SLIT1: variants seen among roughly 807,000 people sequenced by gnomAD.
SLIT1 encodes the protein slit guidance ligand 1.
SLIT1 carries 66 observed loss-of-function variants against 186.1 expected under a neutral mutation model. That is an observed-to-expected ratio of 0.35 (90% confidence interval 0.29 to 0.44). SLIT1 has a LOEUF of 0.44. Among genes scored for constraint, SLIT1 ranks in the 20% least tolerant of loss-of-function variants. The pLI is 1.00. For missense variants in SLIT1, 1,638 were observed against 2,037.4 expected (o/e 0.80, Z 3.77); for synonymous variants, 761 against 833.8 (o/e 0.91, Z 1.50).
At chr10:97,071,444 A>T (rs937713408) in intron 4 of SLIT1, among the ~76,000 whole-genome samples, 7 of 152,212 alleles carry the variant, frequency 4.6e-5, no homozygotes, top group African/African-American at 1.7e-4. Flanking sequence ...TCATTATTCC[A>T]TTTAATCCTC....
At chr10:97,072,268 C>T (rs1239256098) in intron 4 of SLIT1, among the ~76,000 whole-genome samples, 1 of 152,214 alleles carries the variant, frequency 6.6e-6, no homozygotes, top group Non-Finnish European at 1.5e-5. Flanking sequence ...AGGTGATTTT[C>T]CTCTCTCAGC....
chr10:97,177,687 G>A (rs949911510), intron 1 of SLIT1, among the ~76,000 whole-genome samples: 6 of 152,122 alleles, frequency 3.9e-5, no homozygotes, highest in African/African-American at 1.4e-4. Context: ...AAAAAAGAAG[G>A]AAATCAGGCC....
chr10:97,057,929 A>G (rs781629168), intron 11 of SLIT1: 44 of 714,612 alleles, frequency 6.2e-5, no homozygotes, highest in South Asian at 5.7e-4. Context: ...CCAATATCAT[A>G]ATCGGACCCC....
intron 11 of SLIT1, among the ~76,000 whole-genome samples, chr10:97,057,540 C>T (rs181925560): frequency 7.5e-4 from 114 of 152,392 alleles, no homozygotes; most frequent in African/African-American, 2.6e-3. Flanking sequence ...GCAGCTCCTG[C>T]TTCACCGCCC....
chr10:97,045,821 C>T (rs190263692), intron 18 of SLIT1, among the ~76,000 whole-genome samples: 4 of 152,244 alleles, frequency 2.6e-5, no homozygotes, highest in Admixed American at 2.6e-4. Flanking sequence ...TCAGAGACAA[C>T]TCTACATCCT....
intron 4 of SLIT1, among the ~76,000 whole-genome samples, chr10:97,100,059 C>T (rs769515628): frequency 3.3e-5 from 5 of 152,226 alleles, no homozygotes; most frequent in Non-Finnish European, 5.9e-5. Context: ...CCAGGCATCT[C>T]CCCATTGACA....
intron 1 of SLIT1, among the ~76,000 whole-genome samples, chr10:97,174,169 G>A (rs1850227112): frequency 2.0e-5 from 3 of 152,184 alleles, no homozygotes; most frequent in Admixed American, 2.0e-4. Context: ...TGCCATCGGA[G>A]TTGTGGGTCA....
At chr10:97,052,812 A>G (rs550259044) in intron 13 of SLIT1, among the ~76,000 whole-genome samples, 1 of 152,364 alleles carries the variant, frequency 6.6e-6, no homozygotes, top group African/African-American at 2.4e-5. Flanking sequence ...CAAGAAACTG[A>G]ACCACTTGAG....
chr10:97,047,046 T>G lies in SLIT1; in HGVS notation c.1654A>C (p.Ile552Leu). The stretch of plus-strand genomic sequence containing the variant: ...ATCCCAGTGGCCTCCAGGATGGAAA[T>G]CTCATTGTTATTCAATCGCCTGTAA... ...TAELRLNNNE[I>L]SILEATGMFK... The change falls in exon 17 of 37, where the codon ATT becomes CTT. Residue 552 changes from isoleucine (I) to leucine (L), a missense_variant. Physicochemically the swap from Ile to Leu is conservative, Grantham distance 5. Coordinates refer to ENST00000266058, the MANE Select transcript of SLIT1 (RefSeq NM_003061.3). The G allele has an allele frequency of 6.2e-7, 1 of 1,610,930 alleles. No individual in the cohort carries two copies. Among genetic ancestry groups the G allele is most frequent in the Non-Finnish European group, 8.5e-7 (1 of 1,177,084 alleles).
chr10:97,100,091 G>A (rs11189005), intron 4 of SLIT1, among the ~76,000 whole-genome samples: 4 of 152,170 alleles, frequency 2.6e-5, no homozygotes, highest in African/African-American at 4.8e-5. Flanking sequence ...GATGTCACAC[G>A]ATTTGAGTCA....
chr10:97,104,722 A>G (rs1426987379), intron 4 of SLIT1, among the ~76,000 whole-genome samples: 1 of 151,678 alleles, frequency 6.6e-6, no homozygotes, highest in African/African-American at 2.4e-5. Flanking sequence ...CTTTGCTTTC[A>G]CCTGTGCAAG....
intron 1 of SLIT1, among the ~76,000 whole-genome samples, chr10:97,181,959 A>G (rs537510942): frequency 6.6e-6 from 1 of 152,216 alleles, no homozygotes; most frequent in Non-Finnish European, 1.5e-5. Context: ...CTGAAAGTCA[A>G]GGTCGTTGTG....
chr10:97,135,885 C>T lies in SLIT1; in HGVS notation c.413+21933G>A, dbSNP rs1482074570. ...TTTACCTGCTCCATAGAAAAATGCC[C>T]AGGAGCTGACACACTGTGCCCTGGG... On this transcript the variant is annotated intron_variant, in intron 4 of 36. Coordinates refer to ENST00000266058, the MANE Select transcript of SLIT1 (RefSeq NM_003061.3). 6.6e-5 allele frequency among the ~76,000 whole-genome samples: 10 copies of T among 152,250 alleles called. 1 individual carries two copies. The South Asian group carries it at 2.1e-3, about 32-fold the overall frequency.
intron 4 of SLIT1, among the ~76,000 whole-genome samples, chr10:97,138,950 C>G (rs767114260): frequency 1.1e-4 from 17 of 152,244 alleles, no homozygotes; most frequent in Non-Finnish European, 7.3e-5. Flanking sequence ...AATCAGCAAC[C>G]CGCAGCACCA....
intron 6 of SLIT1, 96 bp downstream of exon 6, chr10:97,064,709 C>T: frequency 1.2e-5 from 10 of 845,528 alleles, no homozygotes; most frequent in Non-Finnish European, 1.9e-5. Context: ...TCTCTCCCTT[C>T]CTGTCTCCCT....
At chr10:97,161,019 C>G (rs1435548037) in intron 3 of SLIT1, among the ~76,000 whole-genome samples, 2 of 152,208 alleles carry the variant, frequency 1.3e-5, no homozygotes, top group African/African-American at 4.8e-5. Flanking sequence ...GCCACCGTGC[C>G]TGGCTGGTAT....
At chr10:97,171,767 T>A (rs1589421312) in intron 1 of SLIT1, among the ~76,000 whole-genome samples, 2 of 151,082 alleles carry the variant, frequency 1.3e-5, no homozygotes, top group African/African-American at 4.9e-5. Flanking sequence ...TGCAGTGAGG[T>A]GAGATCGTGC....
At chr10:97,072,992 T>C (rs1291747826) in intron 4 of SLIT1, among the ~76,000 whole-genome samples, 2 of 152,216 alleles carry the variant, frequency 1.3e-5, no homozygotes, top group Non-Finnish European at 2.9e-5. Context: ...AAGCACAGCC[T>C]AAGCAACCCT....
At chr10:97,095,758 G>C (rs948814219) in intron 4 of SLIT1, among the ~76,000 whole-genome samples, 1 of 152,144 alleles carries the variant, frequency 6.6e-6, no homozygotes, top group Admixed American at 6.5e-5. Context: ...AGAGGCCCTC[G>C]TTTCCTGCAC....
Sources: allele counts gnomAD v4.1 joint callset (sites outside exome capture counted in the v4.1 genomes callset), GRCh38; gene constraint gnomAD v4.1.1; transcripts MANE v1.5; gene names NCBI Gene and HGNC (gene_info 2026-07-23, HGNC 2026-07-21).